ARHGEF38: variants seen among roughly 807,000 people sequenced by gnomAD.
The protein encoded by ARHGEF38 is Rho guanine nucleotide exchange factor 38, also known as Rho guanine nucleotide exchange factor (GEF) 38.
A neutral mutation model predicts 79.9 loss-of-function variants in ARHGEF38; 79 were observed. The observed-to-expected ratio is 0.99, with a 90% CI of 0.82 to 1.19. ARHGEF38 has a LOEUF of 1.19. Among genes scored for constraint, ARHGEF38 ranks in the 50% most tolerant of loss-of-function variants. ARHGEF38 has a pLI of 0.00. For synonymous variants in ARHGEF38, 366 were observed against 328.3 expected (o/e 1.11, Z -1.24); for missense variants, 962 against 907.2 (o/e 1.06, Z -0.78).
chr4:105,590,622 T>A (rs555401824), intron 2 of ARHGEF38, among the ~76,000 whole-genome samples: 2 of 152,216 alleles, frequency 1.3e-5, no homozygotes, highest in Admixed American at 1.3e-4. Context: ...GTGGTTGAGA[T>A]GTTTTGGATG....
intron 2 of ARHGEF38, among the ~76,000 whole-genome samples, chr4:105,597,265 T>G (rs1472416134): frequency 6.6e-6 from 1 of 152,192 alleles, no homozygotes; most frequent in East Asian, 1.9e-4. Flanking sequence ...TCAAAGTTAT[T>G]TGCTAAAATT....
intron 1 of ARHGEF38, among the ~76,000 whole-genome samples, chr4:105,569,221 A>C (rs2110418154): frequency 6.6e-6 from 1 of 152,324 alleles, no homozygotes; most frequent in South Asian, 2.1e-4. Flanking sequence ...TTGGTGATTT[A>C]GCTTTGGGGT....
At chr4:105,591,655 G>T (rs1394498150) in intron 2 of ARHGEF38, among the ~76,000 whole-genome samples, 2 of 152,182 alleles carry the variant, frequency 1.3e-5, no homozygotes, top group African/African-American at 4.8e-5. Flanking sequence ...AGCAAAGAAG[G>T]CATGGAAGCC....
chr4:105,600,928 T>C (rs554311250), intron 2 of ARHGEF38, among the ~76,000 whole-genome samples: 2 of 152,268 alleles, frequency 1.3e-5, no homozygotes, highest in East Asian at 3.9e-4. Context: ...AGACCATGTC[T>C]CATCTCCTTT....
intron 2 of ARHGEF38, among the ~76,000 whole-genome samples, chr4:105,604,428 T>G (rs895396163): frequency 3.3e-5 from 5 of 152,174 alleles, no homozygotes; most frequent in African/African-American, 1.2e-4. Context: ...TTTTTGAGCC[T>G]TCTGTTTCAG....
chr4:105,610,268 TG>T (rs138823505), intron 2 of ARHGEF38, among the ~76,000 whole-genome samples: 3,307 of 152,120 alleles, frequency 0.022, 43 homozygotes, highest in Middle Eastern at 0.058. Context: ...CAAACCACCA[TG>T]GCACATGTAT....
chr4:105,668,783 C>T (rs903958370), intron 13 of ARHGEF38, among the ~76,000 whole-genome samples: 2 of 152,086 alleles, frequency 1.3e-5, no homozygotes, highest in Non-Finnish European at 2.9e-5. Flanking sequence ...CTTGGTGGCT[C>T]ATGCCTGTAA....
At chr4:105,611,571 A>G (rs1728294962) in intron 2 of ARHGEF38, among the ~76,000 whole-genome samples, 1 of 152,046 alleles carries the variant, frequency 6.6e-6, no homozygotes, top group East Asian at 1.9e-4. Context: ...ATTATTAAAT[A>G]ATAACAAAAA....
At chr4:105,658,850 G>A (rs1730444052) in intron 9 of ARHGEF38, among the ~76,000 whole-genome samples, 1 of 152,156 alleles carries the variant, frequency 6.6e-6, no homozygotes, top group Non-Finnish European at 1.5e-5. Flanking sequence ...TAGGTTCAAT[G>A]TTACAACCTA....
Position 105,596,602 on chromosome 4 carries a change from T to C in ARHGEF38, c.384+7167T>C, listed in dbSNP as rs188673016. Among the ~76,000 whole-genome samples, 901 of 152,342 alleles carry C rather than the reference T, an allele frequency of 5.9e-3. 9 individuals are homozygous for C. The highest frequency in any genetic ancestry group is 0.021 in the African/African-American group (871 of 41,574). ...AGAGATAGCCAAAGTCCCATTGACT[T>C]CCTATGCATTTTAAGCTATATTTAC... On this transcript the variant is annotated intron_variant, in intron 2 of 13. Transcript: ENST00000420470.
chr4:105,595,674 T>C (rs1408889030), intron 2 of ARHGEF38, among the ~76,000 whole-genome samples: 1 of 152,166 alleles, frequency 6.6e-6, no homozygotes, highest in Non-Finnish European at 1.5e-5. Context: ...CTTAAGTGTC[T>C]GACGTAAAAT....
chr4:105,577,915 A>G (rs1350112825), intron 1 of ARHGEF38, among the ~76,000 whole-genome samples: 11 of 151,036 alleles, frequency 7.3e-5, no homozygotes, highest in African/African-American at 2.7e-4. Flanking sequence ...TTTTTGTTTT[A>G]ATTTCTTTTG....
chr4:105,661,516 ATTG>A (rs1730563538), intron 10 of ARHGEF38, among the ~76,000 whole-genome samples: 2 of 134,574 alleles, frequency 1.5e-5, no homozygotes, highest in South Asian at 4.9e-4. Flanking sequence ...TATTATTATT[ATTG>A]TTATAGCTAT....
At chr4:105,593,925 A>G (rs1402351164) in intron 2 of ARHGEF38, among the ~76,000 whole-genome samples, 1 of 152,166 alleles carries the variant, frequency 6.6e-6, no homozygotes, top group East Asian at 1.9e-4. Flanking sequence ...CAATACTGTG[A>G]ATTACAATTC....
At chr4:105,622,468 C>G (rs1020272958) in intron 3 of ARHGEF38, among the ~76,000 whole-genome samples, 1 of 152,136 alleles carries the variant, frequency 6.6e-6, no homozygotes, top group African/African-American at 2.4e-5. Flanking sequence ...TGAAGTGAAA[C>G]AGATCCAAGT....
At chr4:105,601,797 A>G (rs560096535) in intron 2 of ARHGEF38, among the ~76,000 whole-genome samples, 21 of 152,294 alleles carry the variant, frequency 1.4e-4, no homozygotes, top group African/African-American at 4.3e-4. Context: ...AATCAAGGAG[A>G]TATAAGTAAG....
At chr4:105,658,556 G>C (rs897800363) in intron 9 of ARHGEF38, among the ~76,000 whole-genome samples, 8 of 152,142 alleles carry the variant, frequency 5.3e-5, no homozygotes, top group African/African-American at 1.9e-4. Context: ...ATTTGGGGCT[G>C]ATATGGGAAG....
intron 9 of ARHGEF38, among the ~76,000 whole-genome samples, chr4:105,655,963 A>G (rs1374138942): frequency 2.0e-5 from 3 of 152,256 alleles, no homozygotes; most frequent in Admixed American, 6.5e-5. Context: ...AGGGGTAGCC[A>G]GTGTCAGTGC....
At chr4:105,618,645 A>G (rs80015384) in intron 3 of ARHGEF38, among the ~76,000 whole-genome samples, 3,156 of 152,254 alleles carry the variant, frequency 0.021, 120 homozygotes, top group African/African-American at 0.072. Flanking sequence ...AGAAGAAAAT[A>G]GAAAATCAAA....
Sources: allele counts gnomAD v4.1 joint callset (sites outside exome capture counted in the v4.1 genomes callset), GRCh38; gene constraint gnomAD v4.1.1; transcripts MANE v1.5; gene names NCBI Gene and HGNC (gene_info 2026-07-23, HGNC 2026-07-21).